SYNE2: variants seen among roughly 807,000 people sequenced by gnomAD.
SYNE2 encodes spectrin repeat containing nuclear envelope protein 2.
SYNE2 carries 431 observed loss-of-function variants against 856.3 expected under a neutral mutation model. That is an observed-to-expected ratio of 0.50 (90% CI 0.47 to 0.55). The LOEUF is 0.55. SYNE2 is among the 20% of genes least tolerant of loss of function. The pLI, the probability that SYNE2 is intolerant of heterozygous loss-of-function variation, is 0.00. For synonymous variants in SYNE2, 2,923 were observed against 2,872.3 expected, an observed-to-expected ratio of 1.02 and a Z score of -0.56; for missense variants, 8,129 against 8,023.2, an observed-to-expected ratio of 1.01 and a Z score of -0.50.
intron 98 of SYNE2, 25 bp downstream of exon 98, chr14:64,188,733 G>A (rs780263288): frequency 3.0e-5 from 48 of 1,613,268 alleles, no homozygotes; most frequent in Middle Eastern, 1.6e-4. Context: ...CCAGGTGGAT[G>A]TAGTTATGAC....
chr14:64,090,430 C>T (rs1270759772), intron 59 of SYNE2, among the ~76,000 whole-genome samples: 2 of 152,160 alleles, frequency 1.3e-5, no homozygotes, highest in Non-Finnish European at 2.9e-5. Context: ...TATAATTATA[C>T]TCCTGGGACT....
At chr14:63,941,061 A>G (rs1415997771) in intron 3 of SYNE2, among the ~76,000 whole-genome samples, 2 of 152,252 alleles carry the variant, frequency 1.3e-5, no homozygotes, top group Admixed American at 6.5e-5. Context: ...CGACATCCCT[A>G]TGAAATAGAT....
intron 18 of SYNE2, among the ~76,000 whole-genome samples, chr14:63,984,409 A>G (rs1054625823): frequency 4.6e-5 from 7 of 152,210 alleles, no homozygotes; most frequent in Non-Finnish European, 8.8e-5. Context: ...TCACAGACAC[A>G]CAGAGCAGTC....
chr14:64,143,984 A>G, intron 83 of SYNE2, 36 bp downstream of exon 83: 1 of 1,612,574 alleles, frequency 6.2e-7, no homozygotes, highest in Non-Finnish European at 8.5e-7. Context: ...GTGTGGTTTG[A>G]CCTTTATGAA....
chr14:63,813,309 T>C (rs1888690826), intron 1 of SYNE2, among the ~76,000 whole-genome samples: 1 of 152,236 alleles, frequency 6.6e-6, no homozygotes, highest in Non-Finnish European at 1.5e-5. Flanking sequence ...AAATCGTGTT[T>C]CAGTAGAAAA....
In SYNE2 at chr14:64,109,444, G is replaced by C. The variant is rs535999810; in HGVS notation, c.12609+1837G>C. Reference sequence around the variant, plus strand: ...TTACAGATGGAGAAACTGAGGCTCAGAGAAGTAAGATGCCCAAGGTCATTT... The same window carrying C: ...TTACAGATGGAGAAACTGAGGCTCACAGAAGTAAGATGCCCAAGGTCATTT... On this transcript the variant is annotated intron_variant, in intron 65 of 115. Transcript: ENST00000555002. 7.2e-5 allele frequency among the ~76,000 whole-genome samples: 11 copies of C among 152,238 alleles called. No homozygotes were observed. The South Asian group carries it at 1.2e-3, about 17-fold the overall frequency.
intron 1 of SYNE2, among the ~76,000 whole-genome samples, chr14:63,837,936 A>AAAAAAAAAAAAAAAAAAAAC (rs1889915257): frequency 6.6e-6 from 1 of 151,350 alleles, no homozygotes; most frequent in Non-Finnish European, 1.5e-5. Flanking sequence ...AAAAAAAAAA[A>AAAAAAAAAAAAAAAAAAAAC]AAAAAAGAGC....
chr14:63,911,619 T>G (rs1273679720), intron 2 of SYNE2, among the ~76,000 whole-genome samples: 1 of 152,244 alleles, frequency 6.6e-6, no homozygotes, highest in African/African-American at 2.4e-5. Context: ...AGTGGAGCTG[T>G]GTTTTGACTA....
At chr14:64,133,019 A>G (rs1963747) in intron 77 of SYNE2, among the ~76,000 whole-genome samples, 38,599 of 151,684 alleles carry the variant, frequency 0.25, 7,784 homozygotes, top group African/African-American at 0.57. Flanking sequence ...TGGCTAACAC[A>G]GTGAAACCCC....
chr14:64,177,616 T>A, intron 96 of SYNE2, 133 bp downstream of exon 96: 1 of 1,135,808 alleles, frequency 8.8e-7, no homozygotes, highest in Non-Finnish European at 1.3e-6. Context: ...CCGATCTGTC[T>A]AACATAACAT....
intron 71 of SYNE2, among the ~76,000 whole-genome samples, 157 bp downstream of exon 71, chr14:64,125,367 A>C (rs1232539178): frequency 6.6e-6 from 1 of 152,208 alleles, no homozygotes; most frequent in Non-Finnish European, 1.5e-5. Context: ...CTTGCTTGCC[A>C]ACTCTAATAT....
chr14:64,093,688 G>T (rs950445479), intron 61 of SYNE2, among the ~76,000 whole-genome samples: 3 of 152,118 alleles, frequency 2.0e-5, no homozygotes, highest in African/African-American at 7.2e-5. Flanking sequence ...TTACTAAAAA[G>T]TGACAAAATT....
At chr14:64,154,921 A>C (rs1423764448) in intron 85 of SYNE2, among the ~76,000 whole-genome samples, 1 of 152,186 alleles carries the variant, frequency 6.6e-6, no homozygotes, top group African/African-American at 2.4e-5. Flanking sequence ...GAAAATCAAC[A>C]CCACAAAGAA....
chr14:64,052,206 A>G lies in SYNE2; in HGVS notation c.8293A>G (p.Ile2765Val). The stretch of plus-strand genomic sequence containing the variant: ...TCTCCCAGATGACATTCTTTCACAG[A>G]TCAGAAAGTGCAAAGTGACACATGA... ...PLLPDDILSQ[I>V]RKCKVTHDGI... The change falls in exon 48 of 116, where the codon ATC becomes GTC. Residue 2765 changes from isoleucine to valine, a missense_variant. Physicochemically the swap from Ile to Val is conservative, Grantham distance 29. Coordinates refer to ENST00000555002, the MANE Select transcript of SYNE2 (RefSeq NM_182914.3). The G allele has an allele frequency of 6.2e-7, 1 of 1,614,192 alleles. No individual in the cohort carries two copies. The highest frequency in any genetic ancestry group is 8.5e-7 in the Non-Finnish European group (1 of 1,180,032).
chr14:63,869,590 C>T (rs539470375), intron 1 of SYNE2, among the ~76,000 whole-genome samples: 6 of 146,488 alleles, frequency 4.1e-5, no homozygotes, highest in South Asian at 4.4e-4. Flanking sequence ...GAGCTGAGAT[C>T]GCGCCACTGC....
rs930075033 is a variant in SYNE2, at chr14:64,214,548, C to T, written c.19333+78C>T. 5.0e-6 allele frequency: 7 copies of T among 1,402,936 alleles called. No homozygotes were observed. In the Admixed American group the frequency reaches 9.8e-5, roughly 20 times the overall value. The allele number at this position is 1,402,936 out of a possible 1,614,324, so 86.9% of individuals were successfully genotyped here. ...TAGCCCCTTAGCAACACGGCCAGCT[C>T]TCAATGACCAAGAGTCCATCTTGTG... On this transcript the variant is annotated intron_variant, in intron 106 of 115. Coordinates refer to ENST00000555002, the MANE Select transcript of SYNE2 (RefSeq NM_182914.3).
chr14:63,931,673 T>C (rs2095757426), intron 2 of SYNE2, among the ~76,000 whole-genome samples: 1 of 152,216 alleles, frequency 6.6e-6, no homozygotes, highest in Admixed American at 6.5e-5. Context: ...ACCTTTAGTA[T>C]TTCGTAAGTC....
At chr14:63,907,532 G>C (rs2095422687) in intron 1 of SYNE2, among the ~76,000 whole-genome samples, 1 of 151,420 alleles carries the variant, frequency 6.6e-6, no homozygotes, top group Non-Finnish European at 1.5e-5. Context: ...TATACAAAGT[G>C]CTTGTAACAG....
Position 63,764,402 on chromosome 14 carries a change from G to A in SYNE2, c.-305+2416G>A, listed in dbSNP as rs757471766. Among the ~76,000 whole-genome samples the A allele has an allele frequency of 9.2e-4, 140 of 152,096 alleles. 1 individual carries two copies. Among genetic ancestry groups the A allele is most frequent in the Non-Finnish European group, 1.8e-3 (123 of 68,018 alleles). On this transcript the variant is annotated intron_variant, in intron 1 of 23. Coordinates refer to the SYNE2 transcript ENST00000674003. ...TGGACAGTGAGGGCCAGCTGCAATGGCTCACGCCTATAATCCCAGCACTTT... is the reference window on the plus strand; with the variant it reads ...TGGACAGTGAGGGCCAGCTGCAATGACTCACGCCTATAATCCCAGCACTTT...
Sources: allele counts gnomAD v4.1 joint callset (sites outside exome capture counted in the v4.1 genomes callset), GRCh38; gene constraint gnomAD v4.1.1; transcripts MANE v1.5; gene names NCBI Gene and HGNC (gene_info 2026-07-23, HGNC 2026-07-21).